PGBD5: variants seen among roughly 807,000 people sequenced by gnomAD.
PGBD5 encodes piggyBac transposable element-derived protein 5.
In PGBD5, 14 loss-of-function variants were observed where a neutral mutation model predicts 47.9. The ratio of observed to expected loss-of-function variants is 0.29; its 90% CI spans 0.19 to 0.46. The LOEUF (loss-of-function observed/expected upper bound fraction) is 0.46. Ranked by LOEUF, PGBD5 falls within the 20% of genes least tolerant of loss-of-function variation. The pLI is 1.00. For missense variants in PGBD5, 635 were observed against 716.0 expected, an observed-to-expected ratio of 0.89 and a Z score of 1.29; for synonymous variants, 316 against 306.3, an observed-to-expected ratio of 1.03 and a Z score of -0.33.
At position 230,320,982 on chromosome 1, in the gene PGBD5, A is replaced by G. The variant is rs1464631830; in HGVS notation, c.*2443T>C. 6.6e-6 allele frequency: 1 copy of G among 152,134 alleles called. No homozygotes were observed. The highest frequency in any genetic ancestry group is 6.5e-5 in the Admixed American group (1 of 15,270). The allele number at this position is 152,134 out of a possible 1,614,324, so 9.4% of individuals were successfully genotyped here. A position where few individuals can be genotyped will look rare whatever the true frequency, so the allele number is the denominator to read the frequency against. ...CAGGTGGCTGCCATTTTAGAAACAG[A>G]GTGTTACAATGTTACAATTATTCTC... On this transcript the variant is annotated 3_prime_UTR_variant, in exon 7 of 7. Coordinates refer to ENST00000391860, the MANE Select transcript of PGBD5 (RefSeq NM_001258311.2).
Position 230,317,825 on chromosome 1 carries a change from G to A in PGBD5, c.*5600C>T, listed in dbSNP as rs1666973553. The A allele has an allele frequency of 6.6e-6, 1 of 152,200 alleles. No individual in the cohort carries two copies. Among genetic ancestry groups the A allele is most frequent in the Non-Finnish European group, 1.5e-5 (1 of 68,052 alleles). The allele number at this position is 152,200 out of a possible 1,614,324, so 9.4% of individuals were successfully genotyped here. A position where few individuals can be genotyped will look rare whatever the true frequency, so the allele number is the denominator to read the frequency against. On this transcript the variant is annotated 3_prime_UTR_variant, in exon 7 of 7. Coordinates refer to ENST00000391860, the MANE Select transcript of PGBD5 (RefSeq NM_001258311.2). The stretch of plus-strand genomic sequence containing the variant: ...CATGCACACAAGGTCAAGCTTCCAG[G>A]CAACTAAGGAAAAAACCTGAAGAAT...
At position 230,345,060 on chromosome 1, in the gene PGBD5, G is replaced by A. The variant is rs542880679; in HGVS notation, c.894+5898C>T. Among the ~76,000 whole-genome samples the A allele has an allele frequency of 3.3e-5, 5 of 152,312 alleles. No individual in the cohort carries two copies. The East Asian group carries it at 7.7e-4, about 24-fold the overall frequency. On this transcript the variant is annotated intron_variant, in intron 3 of 6. Coordinates refer to ENST00000391860, the MANE Select transcript of PGBD5 (RefSeq NM_001258311.2). ...TGCAGAGGCAGGTGCCTGGCCCAAC[G>A]TGTTCAAACAGGAGAAATCTGCTCT... is the stretch of plus-strand genomic sequence containing the variant.
At chr1:230,348,205 A>G (rs1667505186) in intron 3 of PGBD5, among the ~76,000 whole-genome samples, 1 of 152,258 alleles carries the variant, frequency 6.6e-6, no homozygotes, top group South Asian at 2.1e-4. Flanking sequence ...TACATATGAC[A>G]TTTACAAAGA....
chr1:230,399,218 C>T (rs995641126), intron 1 of PGBD5, among the ~76,000 whole-genome samples: 2 of 152,052 alleles, frequency 1.3e-5, no homozygotes, highest in South Asian at 2.1e-4. Flanking sequence ...ATGTAATGAC[C>T]GGCAAGCTTA....
chr1:230,374,699 A>G (rs1159909097), intron 1 of PGBD5, among the ~76,000 whole-genome samples: 3 of 152,346 alleles, frequency 2.0e-5, no homozygotes, highest in South Asian at 4.1e-4. Context: ...TAAAGAAACA[A>G]GCACTAGAGG....
intron 1 of PGBD5, chr1:230,362,272 C>T (rs1352059180): frequency 7.3e-7 from 1 of 1,365,972 alleles, no homozygotes; most frequent in South Asian, 1.1e-5. Context: ...AGCTCCTTCA[C>T]CTCCATGCTC....
intron 3 of PGBD5, among the ~76,000 whole-genome samples, chr1:230,349,710 C>G (rs181265247): frequency 5.7e-4 from 87 of 152,262 alleles, no homozygotes; most frequent in African/African-American, 1.9e-3. Flanking sequence ...ACCCGACGCA[C>G]CTGTACCTAT....
chr1:230,377,110 C>T (rs537452413), intron 1 of PGBD5, among the ~76,000 whole-genome samples: 12 of 152,294 alleles, frequency 7.9e-5, no homozygotes, highest in African/African-American at 2.4e-4. Context: ...AAGGCCCTTC[C>T]TAACTCCAAG....
chr1:230,334,578 C>T (rs902434845), intron 4 of PGBD5, among the ~76,000 whole-genome samples: 1 of 149,458 alleles, frequency 6.7e-6, no homozygotes, highest in African/African-American at 2.4e-5. Context: ...TTCTCCTCAA[C>T]CTTGGCTGCC....
intron 3 of PGBD5, among the ~76,000 whole-genome samples, chr1:230,340,990 AAGGCACTGAGCCAGAGGAGAC>A (rs1163641589): frequency 2.0e-5 from 3 of 152,104 alleles, no homozygotes; most frequent in Admixed American, 6.6e-5. Context: ...CACTGAGCTA[AAGGCACTGAGCCAGAGGAGAC>A]AGGCACTGAG....
intron 1 of PGBD5, among the ~76,000 whole-genome samples, chr1:230,359,545 G>A (rs1318816000): frequency 6.6e-6 from 1 of 152,174 alleles, no homozygotes; most frequent in African/African-American, 2.4e-5. Flanking sequence ...ATGGGGCTCT[G>A]ACACCCCAAA....
rs544662264 is a variant in PGBD5, at chr1:230,334,485, A to T, written c.1076-1444T>A. 1.1e-4 allele frequency among the ~76,000 whole-genome samples: 16 copies of T among 152,346 alleles called. No individual in the cohort carries two copies. The South Asian group carries it at 3.3e-3, about 32-fold the overall frequency. On this transcript the variant is annotated intron_variant, in intron 4 of 6. Transcript: ENST00000391860. Reference sequence around the variant, plus strand: ...AATCTATCCCTTTATAAACACAGAAATTATTCTAGGAATGTCCTTTCTGGC... The same window carrying T: ...AATCTATCCCTTTATAAACACAGAATTTATTCTAGGAATGTCCTTTCTGGC...
rs544298370 is a variant in PGBD5 at position 230,331,898 on chromosome 1, G to A, written c.1273+946C>T. Among the ~76,000 whole-genome samples the A allele has an allele frequency of 5.9e-5, 9 of 151,526 alleles. No individual in the cohort carries two copies. The South Asian group carries it at 1.0e-3, about 18-fold the overall frequency. On this transcript the variant is annotated intron_variant, in intron 5 of 6. Transcript: ENST00000391860. ...TGATGCCCATCTGCTGGGGTCCCTT[G>A]ATCGCAATCTCCACTGAGGCGTGAT...
chr1:230,412,610 A>T (rs551341596), intron 1 of PGBD5, among the ~76,000 whole-genome samples: 1 of 152,046 alleles, frequency 6.6e-6, no homozygotes, highest in African/African-American at 2.4e-5. Context: ...GGATGGTCTC[A>T]ATCTCCTGAC....
chr1:230,394,750 C>G (rs1486599959), intron 1 of PGBD5, among the ~76,000 whole-genome samples: 1 of 126,972 alleles, frequency 7.9e-6, no homozygotes, highest in African/African-American at 3.0e-5. Flanking sequence ...CCCTCCTCCC[C>G]TCCACTCACG....
At chr1:230,367,568 C>A (rs1667855978) in intron 1 of PGBD5, among the ~76,000 whole-genome samples, 1 of 152,156 alleles carries the variant, frequency 6.6e-6, no homozygotes, top group Non-Finnish European at 1.5e-5. Flanking sequence ...TGTGGTGGCA[C>A]ACGCCTATAA....
chr1:230,342,537 A>G (rs1295869959), intron 3 of PGBD5, among the ~76,000 whole-genome samples: 1 of 149,012 alleles, frequency 6.7e-6, no homozygotes, highest in East Asian at 1.9e-4. Context: ...CACCTGGGAC[A>G]TCTGCATGGG....
intron 3 of PGBD5, among the ~76,000 whole-genome samples, chr1:230,346,558 C>A (rs910724312): frequency 3.3e-5 from 5 of 152,160 alleles, no homozygotes; most frequent in African/African-American, 7.2e-5. Context: ...ACCTAAGGAG[C>A]AAGCATATCG....
At chr1:230,410,904 G>A (rs1376397825) in intron 1 of PGBD5, among the ~76,000 whole-genome samples, 2 of 152,116 alleles carry the variant, frequency 1.3e-5, no homozygotes, top group African/African-American at 2.4e-5. Flanking sequence ...CCCCTCAAAT[G>A]CCCAATTAAG....
Sources: allele counts gnomAD v4.1 joint callset (sites outside exome capture counted in the v4.1 genomes callset), GRCh38; gene constraint gnomAD v4.1.1; transcripts MANE v1.5; gene names NCBI Gene and HGNC (gene_info 2026-07-23, HGNC 2026-07-21).